Variants in PLCB1 observed in about 807,000 individuals in gnomAD.
PLCB1 encodes the protein 1-phosphatidylinositol 4,5-bisphosphate phosphodiesterase beta-1.
PLCB1 carries 46 observed loss-of-function variants against 161.8 expected under a neutral mutation model. The observed-to-expected ratio is 0.28, with a 90% CI of 0.22 to 0.36. The LOEUF is 0.36. Ranked by LOEUF, PLCB1 falls within the 10% of genes least tolerant of loss-of-function variation. The pLI is 1.00. For missense variants in PLCB1, 1,016 were observed against 1,472.5 expected (o/e 0.69, Z 5.07); for synonymous variants, 517 against 503.7 (o/e 1.03, Z -0.35).
At chr20:8,236,941 A>G (rs1980359479) in intron 2 of PLCB1, among the ~76,000 whole-genome samples, 1 of 152,046 alleles carries the variant, frequency 6.6e-6, no homozygotes, top group South Asian at 2.1e-4. Context: ...CACCCATAAA[A>G]TTTCCCTTAT....
chr20:8,622,678 G>A (rs1411599097), intron 3 of PLCB1, among the ~76,000 whole-genome samples: 1 of 152,138 alleles, frequency 6.6e-6, no homozygotes, highest in Non-Finnish European at 1.5e-5. Context: ...AGTCTTTAAA[G>A]ACCTTCTTCC....
At chr20:8,408,994 T>C (rs1214831426) in intron 3 of PLCB1, among the ~76,000 whole-genome samples, 1 of 152,242 alleles carries the variant, frequency 6.6e-6, no homozygotes, top group Non-Finnish European at 1.5e-5. Context: ...ATTTTCAGTA[T>C]TTTACATGGT....
At chr20:8,141,111 A>G (rs2051398660) in intron 1 of PLCB1, among the ~76,000 whole-genome samples, 1 of 152,208 alleles carries the variant, frequency 6.6e-6, no homozygotes, top group African/African-American at 2.4e-5. Context: ...AAAGCTTTTA[A>G]TAGAGTCTAA....
intron 1 of PLCB1, among the ~76,000 whole-genome samples, chr20:8,133,244 G>C (rs2076694): frequency 0.06 from 9,164 of 152,248 alleles, 417 homozygotes; most frequent in East Asian, 0.16. Context: ...TGGGAGCCAA[G>C]GCGGCGGAGG....
chr20:8,501,864 CATATAT>C (rs36226867), intron 3 of PLCB1, among the ~76,000 whole-genome samples: 1,152 of 103,432 alleles, frequency 0.011, 19 homozygotes, highest in Non-Finnish European at 0.013. Flanking sequence ...AGATATATCG[CATATAT>C]ATATATATAT....
intron 31 of PLCB1, among the ~76,000 whole-genome samples, chr20:8,815,887 A>G (rs1192505933): frequency 1.3e-5 from 2 of 152,254 alleles, no homozygotes; most frequent in Admixed American, 1.3e-4. Context: ...CTAATTATGT[A>G]TAATATGAAA....
intron 2 of PLCB1, among the ~76,000 whole-genome samples, chr20:8,356,940 T>G (rs1011781784): frequency 6.6e-6 from 1 of 152,102 alleles, no homozygotes; most frequent in Non-Finnish European, 1.5e-5. Context: ...AAGTGGATTT[T>G]CAAAAAAATT....
chr20:8,780,618 G>A lies in PLCB1; in HGVS notation c.3111+5899G>A, dbSNP rs150000136. 1.9e-3 allele frequency among the ~76,000 whole-genome samples: 291 copies of A among 152,196 alleles called. 2 individuals carry two copies. Among genetic ancestry groups the A allele is most frequent in the African/African-American group, 6.8e-3 (282 of 41,512 alleles). On this transcript the variant is annotated intron_variant, in intron 27 of 31. Coordinates refer to ENST00000338037, the MANE Select transcript of PLCB1 (RefSeq NM_015192.4). ...AATCATTTCAGGACCCCAAACCAACGTTAGTACCATCAAACTGAGTTCAGC... is the reference window on the plus strand; with the variant it reads ...AATCATTTCAGGACCCCAAACCAACATTAGTACCATCAAACTGAGTTCAGC...
At chr20:8,208,502 C>A (rs1600234911) in intron 2 of PLCB1, among the ~76,000 whole-genome samples, 2 of 151,974 alleles carry the variant, frequency 1.3e-5, no homozygotes, top group East Asian at 3.9e-4. Context: ...CAAATATTAT[C>A]CTGTCTCTTG....
At chr20:8,274,304 T>A (rs2123269404) in intron 2 of PLCB1, among the ~76,000 whole-genome samples, 1 of 152,268 alleles carries the variant, frequency 6.6e-6, no homozygotes, top group South Asian at 2.1e-4. Flanking sequence ...CAATTATCAA[T>A]ATAGATAAAA....
intron 31 of PLCB1, among the ~76,000 whole-genome samples, chr20:8,845,891 G>A (rs1986674317): frequency 6.6e-6 from 1 of 152,202 alleles, no homozygotes; most frequent in Non-Finnish European, 1.5e-5. Flanking sequence ...GGACACATTG[G>A]AAGATACACC....
At chr20:8,592,569 C>T (rs1987182443) in intron 3 of PLCB1, among the ~76,000 whole-genome samples, 1 of 152,122 alleles carries the variant, frequency 6.6e-6, no homozygotes, top group South Asian at 2.1e-4. Flanking sequence ...ATATATATTG[C>T]AACTGAAGGG....
intron 2 of PLCB1, among the ~76,000 whole-genome samples, chr20:8,223,922 T>A (rs1054554790): frequency 6.6e-6 from 1 of 152,148 alleles, no homozygotes; most frequent in Non-Finnish European, 1.5e-5. Flanking sequence ...ACAAAAGGGA[T>A]AGAATTAATA....
chr20:8,781,273 T>C (rs988291230), intron 27 of PLCB1, among the ~76,000 whole-genome samples: 1 of 152,026 alleles, frequency 6.6e-6, no homozygotes, highest in Non-Finnish European at 1.5e-5. Flanking sequence ...AAATGTTGCA[T>C]TTTTCTACTA....
At chr20:8,311,129 TG>T (rs1166424284) in intron 2 of PLCB1, among the ~76,000 whole-genome samples, 1 of 152,240 alleles carries the variant, frequency 6.6e-6, no homozygotes, top group Admixed American at 6.5e-5. Flanking sequence ...GTTTAGGTTA[TG>T]TGTGTGCATT....
chr20:8,716,898 T>A (rs1437229799), intron 13 of PLCB1, among the ~76,000 whole-genome samples: 1 of 152,190 alleles, frequency 6.6e-6, no homozygotes, highest in Non-Finnish European at 1.5e-5. Context: ...CCAATCTCCA[T>A]GCATTTGTAA....
intron 23 of PLCB1, among the ~76,000 whole-genome samples, chr20:8,756,648 G>A (rs192280785): frequency 3.5e-4 from 53 of 152,238 alleles, no homozygotes; most frequent in Non-Finnish European, 5.1e-4. Context: ...AGAGCTGGAT[G>A]ACAGACCAGG....
chr20:8,338,928 T>A (rs1985692941), intron 2 of PLCB1, among the ~76,000 whole-genome samples: 1 of 152,238 alleles, frequency 6.6e-6, no homozygotes, highest in South Asian at 2.1e-4. Flanking sequence ...TTTGGCTTCT[T>A]TCGTGCAATG....
chr20:8,732,249 T>A (rs971213633), intron 18 of PLCB1: 1 of 151,936 alleles, frequency 6.6e-6, no homozygotes, highest in African/African-American at 2.4e-5. Flanking sequence ...AATAATAGAA[T>A]CCTCTTTTAA....
Sources: allele counts gnomAD v4.1 joint callset (sites outside exome capture counted in the v4.1 genomes callset), GRCh38; gene constraint gnomAD v4.1.1; transcripts MANE v1.5; gene names NCBI Gene and HGNC (gene_info 2026-07-23, HGNC 2026-07-21).